Variants in RPS6KA2 observed in about 807,000 individuals in gnomAD.
The protein encoded by RPS6KA2 is ribosomal protein S6 kinase alpha-2.
Under a neutral mutation model 91.8 loss-of-function variants are expected in RPS6KA2, and 42 were observed. That is an observed-to-expected ratio of 0.46 (90% CI 0.36 to 0.59). RPS6KA2 has a LOEUF of 0.59. RPS6KA2 is among the 20% of genes least tolerant of loss of function. The pLI is 0.00. For synonymous variants in RPS6KA2, 414 were observed against 393.6 expected (o/e 1.05, Z -0.61); for missense variants, 798 against 978.5 (o/e 0.82, Z 2.46).
chr6:166,523,596 C>T lies in RPS6KA2; in HGVS notation c.298+7636G>A, dbSNP rs9295352. On this transcript the variant is annotated intron_variant, in intron 3 of 20. Coordinates refer to ENST00000265678, the MANE Select transcript of RPS6KA2 (RefSeq NM_021135.6). Reference sequence around the variant, plus strand: ...AAAATATAATAATAATAATAACAGTCCTCCCCTCTTAAGAGAGGGCAAAAT... The same window carrying T: ...AAAATATAATAATAATAATAACAGTTCTCCCCTCTTAAGAGAGGGCAAAAT... Among the ~76,000 whole-genome samples, 589 of 152,230 alleles carry T rather than the reference C, an allele frequency of 3.9e-3. 3 individuals carry two copies. Among genetic ancestry groups the T allele is most frequent in the African/African-American group, 0.012 (493 of 41,516 alleles).
rs774051770 is a variant in RPS6KA2, at chr6:166,733,494, A to G, written c.123+124706T>C. On this transcript the variant is annotated intron_variant, in intron 2 of 21. Coordinates refer to the RPS6KA2 transcript ENST00000503859. The surrounding 1 kb of genome is among the most constrained non-coding windows in gnomAD (Gnocchi z 4.1). ...AGTACGAGTTTTGGGTACTAACCCC[A>G]TGGCTGACCTTTCTGATCTTTCCTC... Among the ~76,000 whole-genome samples the G allele has an allele frequency of 6.6e-6, 1 of 152,240 alleles. No individual in the cohort carries two copies. The highest frequency in any genetic ancestry group is 2.4e-5 in the African/African-American group (1 of 41,466).
intron 6 of RPS6KA2, among the ~76,000 whole-genome samples, chr6:166,502,649 A>G (rs78183441): frequency 0.019 from 2,942 of 152,300 alleles, 106 homozygotes; most frequent in African/African-American, 0.066. Flanking sequence ...AGGGTAATTA[A>G]TACCAGGTTA....
chr6:166,680,340 G>A (rs1025967868), intron 2 of RPS6KA2, among the ~76,000 whole-genome samples: 1 of 152,154 alleles, frequency 6.6e-6, no homozygotes, highest in African/African-American at 2.4e-5. Flanking sequence ...TCTGTAAAAT[G>A]GACCAATCAG....
At chr6:166,480,246 A>T (rs1781141740) in intron 10 of RPS6KA2, among the ~76,000 whole-genome samples, 1 of 151,896 alleles carries the variant, frequency 6.6e-6, no homozygotes, top group African/African-American at 2.4e-5. Context: ...TGCTAACTTG[A>T]GAGGTAAAAA....
chr6:166,679,659 C>T (rs527623689), intron 2 of RPS6KA2, among the ~76,000 whole-genome samples: 27 of 152,316 alleles, frequency 1.8e-4, no homozygotes, highest in East Asian at 3.9e-4. Context: ...GATCTGGCCG[C>T]GCTCGAGGAG....
chr6:166,669,737 C>A (rs1788417931), intron 2 of RPS6KA2, among the ~76,000 whole-genome samples: 1 of 152,198 alleles, frequency 6.6e-6, no homozygotes, highest in African/African-American at 2.4e-5. Flanking sequence ...TCAGCTCATG[C>A]CTGTGATGCT....
chr6:166,723,433 C>G (rs1790240183), intron 2 of RPS6KA2, among the ~76,000 whole-genome samples: 2 of 152,172 alleles, frequency 1.3e-5, no homozygotes, highest in African/African-American at 4.8e-5. Context: ...TGTGCACTAC[C>G]TTCTTCACCC....
chr6:166,691,919 G>T (rs375045431), intron 2 of RPS6KA2, among the ~76,000 whole-genome samples: 1 of 152,178 alleles, frequency 6.6e-6, no homozygotes, highest in Non-Finnish European at 1.5e-5. Flanking sequence ...CAAGAAGCAC[G>T]TGAGGCCGGG....
intron 2 of RPS6KA2, among the ~76,000 whole-genome samples, chr6:166,532,510 T>C (rs1375413814): frequency 6.6e-6 from 1 of 152,148 alleles, no homozygotes; most frequent in Non-Finnish European, 1.5e-5. Context: ...AGTGTCACGC[T>C]CTCACCATGT....
intron 2 of RPS6KA2, chr6:166,702,007 T>G: frequency 2.0e-6 from 2 of 1,024,320 alleles, no homozygotes; most frequent in Admixed American, 3.4e-5. Flanking sequence ...GGATCTCTTC[T>G]GTGAATTTTA....
At chr6:166,764,141 C>T (rs1391993220) in intron 2 of RPS6KA2, among the ~76,000 whole-genome samples, 2 of 152,152 alleles carry the variant, frequency 1.3e-5, no homozygotes, top group African/African-American at 4.8e-5. Context: ...GCTGGGACTC[C>T]ACTCCCACTG....
At chr6:166,512,296 C>T (rs796592126) in intron 3 of RPS6KA2, among the ~76,000 whole-genome samples, 36 of 152,182 alleles carry the variant, frequency 2.4e-4, no homozygotes, top group South Asian at 1.9e-3. Flanking sequence ...AAAGCAGGAT[C>T]GTGGTGAACA....
At chr6:166,738,751 A>G (rs1446198981) in intron 2 of RPS6KA2, among the ~76,000 whole-genome samples, 2 of 152,364 alleles carry the variant, frequency 1.3e-5, no homozygotes, top group East Asian at 3.9e-4. Flanking sequence ...ATAGAACTGG[A>G]AAGATATCAA....
chr6:166,467,404 T>C (rs1330915746), intron 11 of RPS6KA2, among the ~76,000 whole-genome samples: 2 of 152,030 alleles, frequency 1.3e-5, no homozygotes, highest in African/African-American at 4.8e-5. Flanking sequence ...CAGAAACACA[T>C]GGTATTTTGA....
chr6:166,442,440 G>C (rs1261828530), intron 14 of RPS6KA2, among the ~76,000 whole-genome samples: 2 of 152,190 alleles, frequency 1.3e-5, no homozygotes, highest in Non-Finnish European at 2.9e-5. Context: ...ACCGTTCTGA[G>C]TTTCTGTTCC....
At chr6:166,742,415 G>C (rs911080293) in intron 2 of RPS6KA2, among the ~76,000 whole-genome samples, 13 of 152,158 alleles carry the variant, frequency 8.5e-5, no homozygotes, top group African/African-American at 2.7e-4. Flanking sequence ...TGTCATAAGA[G>C]AGACACAGAC....
At chr6:166,858,800 T>A (rs376068736) in intron 1 of RPS6KA2, among the ~76,000 whole-genome samples, 13 of 152,228 alleles carry the variant, frequency 8.5e-5, no homozygotes, top group African/African-American at 2.7e-4. Context: ...AGTGGAACCA[T>A]CTGGGTCTGA....
At chr6:166,736,713 C>T (rs1314500968) in intron 2 of RPS6KA2, among the ~76,000 whole-genome samples, 1 of 152,152 alleles carries the variant, frequency 6.6e-6, no homozygotes, top group African/African-American at 2.4e-5. Context: ...TCGCCACCCA[C>T]CCCGCCCTGA....
intron 2 of RPS6KA2, chr6:166,702,021 C>T: frequency 9.5e-7 from 1 of 1,052,134 alleles, no homozygotes; most frequent in Non-Finnish European, 1.5e-6. Context: ...AATTTTACAT[C>T]TTGAGTTTCC....
Sources: allele counts gnomAD v4.1 joint callset (sites outside exome capture counted in the v4.1 genomes callset), GRCh38; gene constraint gnomAD v4.1.1; non-coding constraint Gnocchi (gnomAD v3.1); transcripts MANE v1.5; gene names NCBI Gene and HGNC (gene_info 2026-07-23, HGNC 2026-07-21).